ABCC4: variants seen among roughly 807,000 people sequenced by gnomAD.
The protein encoded by ABCC4 is ATP-binding cassette sub-family C member 4.
A neutral mutation model predicts 168.5 loss-of-function variants in ABCC4; 102 were observed. That is an observed-to-expected ratio of 0.61 (90% CI 0.52 to 0.71). ABCC4 has a LOEUF of 0.71. Among genes scored for constraint, ABCC4 ranks in the 30% least tolerant of loss-of-function variants. The pLI, the probability that ABCC4 is intolerant of heterozygous loss-of-function variation, is 0.00. For missense variants in ABCC4, 1,402 were observed against 1,605.8 expected, an observed-to-expected ratio of 0.87 and a Z score of 2.17; for synonymous variants, 617 against 590.7, an observed-to-expected ratio of 1.04 and a Z score of -0.65.
chr13:95,297,274 A>AAAAAAAAAGAAAG (rs1301048831), intron 1 of ABCC4, among the ~76,000 whole-genome samples: 1 of 151,714 alleles, frequency 6.6e-6, no homozygotes, highest in Admixed American at 6.6e-5. Flanking sequence ...CTCATAAAAA[A>AAAAAAAAAGAAAG]AAAAAAGAAA....
At chr13:95,247,146 A>G (rs1206521387) in intron 2 of ABCC4, 51 bp from the exon 3 acceptor site, 1 of 1,571,430 alleles carries the variant, frequency 6.4e-7, no homozygotes, top group Admixed American at 1.9e-5. Flanking sequence ...GCCACAATAT[A>G]AAACAGGGGA....
chr13:95,128,311 G>A (rs181278210), intron 19 of ABCC4, among the ~76,000 whole-genome samples: 2 of 152,304 alleles, frequency 1.3e-5, no homozygotes, highest in Admixed American at 1.3e-4. Flanking sequence ...GTTAAACAAT[G>A]ATTCATTAAA....
At chr13:95,188,049 T>C (rs1298486536) in intron 10 of ABCC4, among the ~76,000 whole-genome samples, 2 of 152,224 alleles carry the variant, frequency 1.3e-5, no homozygotes, top group East Asian at 1.9e-4. Flanking sequence ...TCATGTGACT[T>C]GGAGAAGTCA....
In ABCC4 at chr13:95,173,485, C is replaced by T. The variant is rs551425890; in HGVS notation, c.1728-2857G>A. 7.9e-5 allele frequency among the ~76,000 whole-genome samples: 12 copies of T among 152,304 alleles called. No individual in the cohort carries two copies. In the South Asian group the frequency reaches 2.5e-3, roughly 32 times the overall value. ...TTCTCTTTTGCCCAGGCAAACTATC[C>T]CTGGTTGTCCAACGGCAGGAAAAAT... On this transcript the variant is annotated intron_variant, in intron 13 of 30. Transcript: ENST00000645237.
intron 1 of ABCC4, among the ~76,000 whole-genome samples, chr13:95,298,162 G>A (rs143244274): frequency 2.6e-5 from 4 of 152,120 alleles, no homozygotes; most frequent in Admixed American, 6.6e-5. Context: ...GAGGGTGCAC[G>A]CCTATAGTCC....
intron 20 of ABCC4, among the ~76,000 whole-genome samples, chr13:95,099,748 C>T (rs1297093249): frequency 6.6e-6 from 1 of 152,124 alleles, no homozygotes; most frequent in African/African-American, 2.4e-5. Flanking sequence ...TGCTGCGATG[C>T]ACAAGCGGCA....
At chr13:95,097,664 TAAA>T (rs2034653025) in intron 20 of ABCC4, among the ~76,000 whole-genome samples, 1 of 144,000 alleles carries the variant, frequency 6.9e-6, no homozygotes, top group Non-Finnish European at 1.5e-5. Flanking sequence ...ACTGGGCCAT[TAAA>T]GAAGTCTCAA....
intron 27 of ABCC4, among the ~76,000 whole-genome samples, chr13:95,047,476 C>CTTTT (rs71111586): frequency 0.012 from 969 of 83,148 alleles, 15 homozygotes; most frequent in Middle Eastern, 0.022. Flanking sequence ...ACTGCCTATT[C>CTTTT]TTTTTTTTTT....
intron 4 of ABCC4, among the ~76,000 whole-genome samples, chr13:95,215,506 T>C (rs1215999271): frequency 6.6e-6 from 1 of 152,190 alleles, no homozygotes; most frequent in African/African-American, 2.4e-5. Context: ...AAGTAAAATA[T>C]ACGACAATAG....
rs1016215012 is a variant in ABCC4, at chr13:95,287,394, C to T, written c.74+13847G>A. On this transcript the variant is annotated intron_variant, in intron 1 of 30. Coordinates refer to ENST00000645237, the MANE Select transcript of ABCC4 (RefSeq NM_005845.5). Reference sequence around the variant, plus strand: ...ACGAGGTCAGGAGTTCAAGACCAGCCTGGCCAACATGGTGAAACCCCGTCT... The same window carrying T: ...ACGAGGTCAGGAGTTCAAGACCAGCTTGGCCAACATGGTGAAACCCCGTCT... Among the ~76,000 whole-genome samples, 6 of 152,220 alleles carry T rather than the reference C, an allele frequency of 3.9e-5. No homozygotes were observed. In the South Asian group the frequency reaches 1.2e-3, roughly 32 times the overall value.
intron 18 of ABCC4, 82 bp downstream of exon 18, chr13:95,163,040 T>C: frequency 1.1e-6 from 1 of 897,422 alleles, no homozygotes; most frequent in African/African-American, 1.7e-5. Context: ...ACTGAATGAC[T>C]CCTGGAAGCC....
intron 1 of ABCC4, among the ~76,000 whole-genome samples, chr13:95,296,632 T>A (rs1485139233): frequency 6.6e-6 from 1 of 152,156 alleles, no homozygotes; most frequent in Non-Finnish European, 1.5e-5. Context: ...TCCCTCTCAA[T>A]GCCCATATTT....
chr13:95,077,240 T>C (rs2033937310), intron 21 of ABCC4, among the ~76,000 whole-genome samples: 1 of 152,228 alleles, frequency 6.6e-6, no homozygotes, highest in Non-Finnish European at 1.5e-5. Context: ...TGATTTGTGC[T>C]TTGCAATTAG....
intron 1 of ABCC4, among the ~76,000 whole-genome samples, chr13:95,271,845 A>C (rs1387410655): frequency 6.6e-6 from 1 of 152,228 alleles, no homozygotes; most frequent in Non-Finnish European, 1.5e-5. Flanking sequence ...CCTGGAAAAC[A>C]GACGGGACTC....
chr13:95,276,972 T>C (rs4773865), intron 1 of ABCC4, among the ~76,000 whole-genome samples: 98,290 of 152,044 alleles, frequency 0.65, 32,839 homozygotes, highest in South Asian at 0.74. Context: ...TTAGCCGAAG[T>C]CGCACCACTG....
chr13:95,174,629 A>G (rs1443021528), intron 13 of ABCC4, among the ~76,000 whole-genome samples: 5 of 152,226 alleles, frequency 3.3e-5, no homozygotes, highest in Admixed American at 2.6e-4. Flanking sequence ...AGCTTGTGCG[A>G]TACGCACACT....
In ABCC4 at chr13:95,210,760, C is replaced by T; in HGVS notation, c.553G>A (p.Ala185Thr). 1 of 1,613,942 alleles carries T rather than the reference C, an allele frequency of 6.2e-7. No homozygotes were observed. Among genetic ancestry groups the T allele is most frequent in the African/African-American group, 1.3e-5 (1 of 75,020 alleles). Reference sequence around the variant, plus strand: ...TGGCCTGTGGTTGTCTTCCCCATGGCCATGTTACTAAGACGAAGTGCCTGA... The same window carrying T: ...TGGCCTGTGGTTGTCTTCCCCATGGTCATGTTACTAAGACGAAGTGCCTGA... ...YRKALRLSNM[A>T]MGKTTTGQIV... The change falls in exon 5 of 31, where the codon GCC becomes ACC. Residue 185 changes from alanine (A) to threonine (T), a missense_variant. Transcript: ENST00000645237.
intron 21 of ABCC4, 71 bp from the exon 22 acceptor site, chr13:95,075,622 A>G (rs2033873303): frequency 1.9e-6 from 3 of 1,595,596 alleles, no homozygotes; most frequent in Admixed American, 3.5e-5. Context: ...CCCAAGCTCC[A>G]TGGTCACGTA....
At chr13:95,181,692 T>G (rs2037900783) in intron 11 of ABCC4, among the ~76,000 whole-genome samples, 1 of 152,178 alleles carries the variant, frequency 6.6e-6, no homozygotes, top group Non-Finnish European at 1.5e-5. Flanking sequence ...TGACCACACT[T>G]CACAGATGAG....
Sources: gnomAD v4.1 joint callset for allele counts (sites outside exome capture counted in the v4.1 genomes callset) on GRCh38, gnomAD v4.1.1 for gene constraint, MANE v1.5 for transcripts, NCBI Gene and HGNC (gene_info 2026-07-23, HGNC 2026-07-21) for gene names.